The following IL23R variants were observed in gnomAD, a reference collection of about 807,000 sequenced individuals.
The protein encoded by IL23R is interleukin-23 receptor.
A neutral mutation model predicts 56.9 loss-of-function variants in IL23R; 34 were observed. The ratio of observed to expected loss-of-function variants is 0.60; its 90% CI spans 0.45 to 0.80. The LOEUF (loss-of-function observed/expected upper bound fraction) is 0.80, where lower values mean the gene tolerates loss of function less well. IL23R is among the 30% of genes least tolerant of loss of function. The pLI is 0.00. For missense variants in IL23R, 635 were observed against 730.0 expected (o/e 0.87, Z 1.50); for synonymous variants, 230 against 249.2 (o/e 0.92, Z 0.73).
chr1:67,181,950 A>C (rs921450201), intron 3 of IL23R, among the ~76,000 whole-genome samples: 3 of 152,162 alleles, frequency 2.0e-5, no homozygotes, highest in Non-Finnish European at 2.9e-5. Flanking sequence ...AACAGCGAAT[A>C]TTGGTGAACA....
intron 3 of IL23R, among the ~76,000 whole-genome samples, chr1:67,175,126 G>A (rs996491): frequency 2.6e-5 from 4 of 151,944 alleles, no homozygotes; most frequent in Non-Finnish European, 4.4e-5. Context: ...GGGTGGGGGT[G>A]AGATTGGAGT....
chr1:67,199,977 C>A lies in IL23R; in HGVS notation c.492-760C>A, dbSNP rs111976357. Among the ~76,000 whole-genome samples the A allele has an allele frequency of 2.5e-3, 374 of 152,230 alleles. 2 individuals are homozygous for A. The highest frequency in any genetic ancestry group is 8.7e-3 in the African/African-American group (360 of 41,544). On this transcript the variant is annotated intron_variant, in intron 4 of 10. Transcript: ENST00000347310. ...ATTGCTTGAGTCCAGGAGTTTGAGACCAGCCTGAGCAACACAGCAAGACCC... is the reference window on the plus strand; with the variant it reads ...ATTGCTTGAGTCCAGGAGTTTGAGAACAGCCTGAGCAACACAGCAAGACCC...
At chr1:67,173,689 T>C (rs921746133) in intron 3 of IL23R, among the ~76,000 whole-genome samples, 19 of 152,158 alleles carry the variant, frequency 1.2e-4, no homozygotes, top group African/African-American at 3.1e-4. Flanking sequence ...TATTAGACCT[T>C]CGATATATGA....
intron 9 of IL23R, among the ~76,000 whole-genome samples, chr1:67,247,696 G>T (rs751706094): frequency 6.6e-6 from 1 of 152,056 alleles, no homozygotes. Flanking sequence ...TAGTTGATGC[G>T]GTTTCTTCAT....
At chr1:67,243,570 T>C (rs1260376075) in intron 9 of IL23R, among the ~76,000 whole-genome samples, 2 of 152,166 alleles carry the variant, frequency 1.3e-5, no homozygotes, top group African/African-American at 2.4e-5. Context: ...TTTGGTTTTC[T>C]GTTCTTGTGT....
chr1:67,249,436 A>G (rs972355845), intron 9 of IL23R, among the ~76,000 whole-genome samples: 1 of 152,156 alleles, frequency 6.6e-6, no homozygotes, highest in South Asian at 2.1e-4. Flanking sequence ...AACTTAATGT[A>G]ATGACTTTAA....
At chr1:67,228,121 TTTCTTTCC>T (rs1650838878) in intron 7 of IL23R, among the ~76,000 whole-genome samples, 1 of 138,692 alleles carries the variant, frequency 7.2e-6, no homozygotes, top group Non-Finnish European at 1.6e-5. Context: ...TCTTTCTTTC[TTTCTTTCC>T]TTCTTTCTTT....
chr1:67,239,864 A>G (rs925600720), intron 8 of IL23R, among the ~76,000 whole-genome samples: 1 of 152,212 alleles, frequency 6.6e-6, no homozygotes, highest in African/African-American at 2.4e-5. Flanking sequence ...AGACAAGCCA[A>G]ATGAAGCTCA....
intron 7 of IL23R, among the ~76,000 whole-genome samples, chr1:67,226,339 G>T (rs1197591477): frequency 6.6e-6 from 1 of 152,210 alleles, no homozygotes; most frequent in East Asian, 1.9e-4. Context: ...TTTGAAGGAT[G>T]AATGTGGGGG....
At chr1:67,207,122 A>C in intron 6 of IL23R, 67 bp downstream of exon 6, 1 of 1,429,124 alleles carries the variant, frequency 7.0e-7, no homozygotes, top group Non-Finnish European at 9.9e-7. Context: ...ATCAGTGGCT[A>C]CAGTGGACTT....
At chr1:67,238,256 G>C (rs1298725136) in intron 8 of IL23R, among the ~76,000 whole-genome samples, 11 of 150,950 alleles carry the variant, frequency 7.3e-5, no homozygotes, top group Admixed American at 7.3e-4. Context: ...GCTGAGGTGG[G>C]AGGATCAACT....
intron 6 of IL23R, among the ~76,000 whole-genome samples, chr1:67,211,562 G>A (rs1321542844): frequency 6.6e-6 from 1 of 151,902 alleles, no homozygotes; most frequent in African/African-American, 2.4e-5. Flanking sequence ...GGTGGAGGTT[G>A]CAATGAGCCA....
rs147443641 is a variant in IL23R, at chr1:67,140,480, G to A, written c.-634+1319G>A. Among the ~76,000 whole-genome samples the A allele has an allele frequency of 2.8e-3, 427 of 152,174 alleles. 4 individuals carry two copies. Among genetic ancestry groups the A allele is most frequent in the African/African-American group, 9.8e-3 (406 of 41,520 alleles). ...ATATTTGATGTTCAATGACATAGTC[G>A]AAGTCATGTACATTAAGCCAATAAA... On this transcript the variant is annotated intron_variant, in intron 1 of 10. Transcript: ENST00000637002.
chr1:67,141,711 T>A, intron 1 of IL23R, among the ~76,000 whole-genome samples: 1 of 152,128 alleles, frequency 6.6e-6, no homozygotes. Context: ...TGAGCTGAGA[T>A]CACGCCACTG....
chr1:67,156,263 A>C (rs1255253486), intron 1 of IL23R, among the ~76,000 whole-genome samples: 3 of 152,238 alleles, frequency 2.0e-5, no homozygotes, highest in Admixed American at 2.0e-4. Context: ...GTCAGGAGGC[A>C]CAGGGGTCAG....
chr1:67,233,572 G>A (rs996253901), intron 7 of IL23R, among the ~76,000 whole-genome samples: 7 of 152,070 alleles, frequency 4.6e-5, no homozygotes, highest in African/African-American at 1.7e-4. Flanking sequence ...TAGTTGTTAT[G>A]CTTTAAATTT....
downstream of IL23R, among the ~76,000 whole-genome samples, chr1:67,261,031 A>G (rs1480631547): frequency 1.3e-5 from 2 of 152,098 alleles, no homozygotes; most frequent in South Asian, 2.1e-4. Flanking sequence ...AATTTTAAAA[A>G]GACTCATTGC....
intron 9 of IL23R, among the ~76,000 whole-genome samples, chr1:67,249,707 C>A (rs1652491367): frequency 6.6e-6 from 1 of 152,040 alleles, no homozygotes; most frequent in Non-Finnish European, 1.5e-5. Flanking sequence ...CAAGGGCCCT[C>A]TGTAGCATCC....
chr1:67,165,601 TCTGTAGG>T (rs1437926934), upstream of IL23R, among the ~76,000 whole-genome samples: 1 of 152,154 alleles, frequency 6.6e-6, no homozygotes, highest in Non-Finnish European at 1.5e-5. Context: ...TGGTAAAGAA[TCTGTAGG>T]CTATACAGGA....
Sources: gnomAD v4.1 joint callset for allele counts (sites outside exome capture counted in the v4.1 genomes callset) on GRCh38, gnomAD v4.1.1 for gene constraint, MANE v1.5 for transcripts, NCBI Gene and HGNC (gene_info 2026-07-23, HGNC 2026-07-21) for gene names.